QKI: variants seen among roughly 807,000 people sequenced by gnomAD.
QKI encodes the protein QKI, KH domain containing RNA binding.
In QKI, 10 loss-of-function variants were observed where a neutral mutation model predicts 39.0. The observed-to-expected ratio is 0.26, with a 90% CI of 0.16 to 0.43. QKI has a LOEUF of 0.43. QKI is among the 20% of genes least tolerant of loss of function. The pLI is 1.00. For missense variants in QKI, 218 were observed against 428.0 expected, an observed-to-expected ratio of 0.51 and a Z score of 4.33; for synonymous variants, 204 against 155.4, an observed-to-expected ratio of 1.31 and a Z score of -2.33.
At chr6:163,552,203 G>A (rs1375124806) in intron 4 of QKI, among the ~76,000 whole-genome samples, 1 of 107,396 alleles carries the variant, frequency 9.3e-6, no homozygotes, top group Admixed American at 1.1e-4. Flanking sequence ...AAGTTCGTTC[G>A]TTCTTTTTTT....
In QKI at chr6:163,552,206, CTTTTTTT is replaced by C. The variant is rs35060699; in HGVS notation, c.547-9760_547-9754del. ...TGGATCATCATAAAGTTCGTTCGTT[CTTTTTTT>C]TTTTTTTTTTTTTTTGACAGAGACT... On this transcript the variant is annotated intron_variant, in intron 4 of 7. Transcript: ENST00000361752. 5.2e-3 allele frequency among the ~76,000 whole-genome samples: 530 copies of C among 101,782 alleles called. 4 individuals carry two copies. The highest frequency in any genetic ancestry group is 0.031 in the South Asian group (87 of 2,806). The allele number at this position is 101,782 out of a possible 152,430, so 66.8% of individuals were successfully genotyped here.
At chr6:163,487,791 T>C (rs1777772938) in intron 3 of QKI, among the ~76,000 whole-genome samples, 1 of 152,172 alleles carries the variant, frequency 6.6e-6, no homozygotes, top group African/African-American at 2.4e-5. Context: ...TTTGAAAGAA[T>C]ATTTCATAAC....
At chr6:163,567,429 A>T (rs979056124) in intron 7 of QKI, 102 of 985,662 alleles carry the variant, frequency 1.0e-4, no homozygotes, top group Middle Eastern at 1.0e-3. Flanking sequence ...GCCAAAATGG[A>T]TCCTTTGATT....
chr6:163,536,423 T>C (rs894869007), intron 4 of QKI, among the ~76,000 whole-genome samples: 1 of 152,220 alleles, frequency 6.6e-6, no homozygotes, highest in African/African-American at 2.4e-5. Context: ...ATATAAAACA[T>C]ACAAAATATA....
chr6:163,570,155 G>C, intron 7 of QKI: 2 of 985,746 alleles, frequency 2.0e-6, no homozygotes, highest in Non-Finnish European at 2.4e-6. Flanking sequence ...ACCTTGTTTG[G>C]CCCAGAGTTT....
At chr6:163,465,932 T>G (rs576665307) in intron 2 of QKI, among the ~76,000 whole-genome samples, 1 of 151,868 alleles carries the variant, frequency 6.6e-6, no homozygotes, top group Admixed American at 6.6e-5. Flanking sequence ...GAGACCAGCC[T>G]GGCCAACATG....
rs11438124 is a variant in QKI at position 163,428,747 on chromosome 6, C to CTT, written c.142+13424_142+13425dup. ...ATTTTCCTAGTTCAGTTATATTGAG[C>CTT]TTTTTTTTTTTTTAAACTGTCAAGG... On this transcript the variant is annotated intron_variant, in intron 1 of 7. Coordinates refer to ENST00000361752, the MANE Select transcript of QKI (RefSeq NM_006775.3). Among the ~76,000 whole-genome samples, 429 of 147,238 alleles carry CTT rather than the reference C, an allele frequency of 2.9e-3. 1 individual carries two copies. The highest frequency in any genetic ancestry group is 8.8e-3 in the African/African-American group (354 of 40,326).
intron 3 of QKI, among the ~76,000 whole-genome samples, chr6:163,500,672 C>T (rs1778703154): frequency 6.6e-6 from 1 of 152,054 alleles, no homozygotes; most frequent in African/African-American, 2.4e-5. Context: ...TCAAATAATG[C>T]ATACACTTAG....
chr6:163,483,621 A>G (rs956164522), intron 3 of QKI, among the ~76,000 whole-genome samples: 2 of 152,194 alleles, frequency 1.3e-5, no homozygotes, highest in Non-Finnish European at 2.9e-5. Context: ...AGTTGCAGCA[A>G]TTCAGTCACA....
At chr6:163,563,919 C>G (rs1314328377) in intron 6 of QKI, 200 bp downstream of exon 6, 1 of 1,407,818 alleles carries the variant, frequency 7.1e-7, no homozygotes, top group South Asian at 1.7e-5. Flanking sequence ...TATTCAGATC[C>G]ACTTTGGTAA....
At chr6:163,417,609 A>G (rs1038420656) in intron 1 of QKI, among the ~76,000 whole-genome samples, 2 of 152,172 alleles carry the variant, frequency 1.3e-5, no homozygotes, top group Admixed American at 6.5e-5. Flanking sequence ...TCTCTGACAA[A>G]GGCTTATTTC....
At chr6:163,543,424 A>G (rs1181063209) in intron 4 of QKI, among the ~76,000 whole-genome samples, 1 of 152,010 alleles carries the variant, frequency 6.6e-6, no homozygotes, top group Non-Finnish European at 1.5e-5. Context: ...TTTAATCTGA[A>G]TGGGAAATCT....
chr6:163,566,818 T>G, intron 7 of QKI, 23 bp downstream of exon 7: 1 of 1,612,128 alleles, frequency 6.2e-7, no homozygotes. Flanking sequence ...CTGCAGTTCT[T>G]GTCTATAAGA....
intron 6 of QKI, chr6:163,565,410 G>C (rs549159570): frequency 5.3e-5 from 52 of 985,802 alleles, no homozygotes; most frequent in Non-Finnish European, 5.9e-5. Flanking sequence ...ATTTTGCCAC[G>C]TGGAATTGTA....
At chr6:163,466,167 G>A (rs1303797172) in intron 2 of QKI, among the ~76,000 whole-genome samples, 1 of 149,944 alleles carries the variant, frequency 6.7e-6, no homozygotes, top group Admixed American at 6.6e-5. Context: ...CAATAGCATC[G>A]GAAAGAATAA....
intron 1 of QKI, among the ~76,000 whole-genome samples, chr6:163,417,689 G>A (rs2128206164): frequency 6.6e-6 from 1 of 152,268 alleles, no homozygotes; most frequent in Non-Finnish European, 1.5e-5. Context: ...CCTAGATAAT[G>A]TTTGTTTCCC....
chr6:163,463,163 T>G (rs188171689), intron 2 of QKI, among the ~76,000 whole-genome samples: 1 of 152,314 alleles, frequency 6.6e-6, no homozygotes, highest in Admixed American at 6.5e-5. Context: ...TTTTGAAAGA[T>G]TAACAATAAT....
At chr6:163,427,993 G>A (rs998429720) in intron 1 of QKI, among the ~76,000 whole-genome samples, 16 of 152,138 alleles carry the variant, frequency 1.1e-4, no homozygotes, top group African/African-American at 3.9e-4. Flanking sequence ...TAGTAGTAAG[G>A]AACTTATGTT....
intron 6 of QKI, chr6:163,564,549 C>G (rs1192342578): frequency 6.4e-7 from 1 of 1,558,666 alleles, no homozygotes; most frequent in Admixed American, 1.8e-5. Context: ...AATAGCAAAT[C>G]ACTGAATTCA....
Sources: allele counts gnomAD v4.1 joint callset (sites outside exome capture counted in the v4.1 genomes callset), GRCh38; gene constraint gnomAD v4.1.1; transcripts MANE v1.5; gene names NCBI Gene and HGNC (gene_info 2026-07-23, HGNC 2026-07-21).